The following FAM171A1 variants were observed in gnomAD, a reference collection of about 807,000 sequenced individuals.
The protein encoded by FAM171A1 is family with sequence similarity 171 member A1.
Under a neutral mutation model 74.9 loss-of-function variants are expected in FAM171A1, and 23 were observed. That is an observed-to-expected ratio of 0.31 (90% CI 0.22 to 0.44). The LOEUF (loss-of-function observed/expected upper bound fraction) is 0.44. Ranked by LOEUF, FAM171A1 falls within the 20% of genes least tolerant of loss-of-function variation. FAM171A1 has a pLI of 1.00. For missense variants in FAM171A1, 1,162 were observed against 1,159.2 expected (o/e 1.00, Z -0.03); for synonymous variants, 527 against 505.7 (o/e 1.04, Z -0.57).
At chr10:15,229,430 C>A (rs2131727644) in intron 5 of FAM171A1, among the ~76,000 whole-genome samples, 1 of 151,864 alleles carries the variant, frequency 6.6e-6, no homozygotes, top group Non-Finnish European at 1.5e-5. Context: ...GTCATCACCA[C>A]CATCATCACC....
chr10:15,289,503 G>T (rs1197849082), intron 1 of FAM171A1, among the ~76,000 whole-genome samples: 2 of 152,068 alleles, frequency 1.3e-5, no homozygotes, highest in African/African-American at 4.8e-5. Flanking sequence ...CCTTTCTTTT[G>T]TACCCTCGTG....
rs1414009404 is a variant in FAM171A1 at position 15,284,021 on chromosome 10, G to C, written c.182C>G (p.Ala61Gly). ...CCCCGAGGTGCCAGAGGCTATGGAG[G>C]CCTGGTTGGTGAAGATCTCGATGAG... ...DALIEIFTNQASIASGTSGTD... is the reference protein window; with the variant it reads ...DALIEIFTNQGSIASGTSGTD... The change falls in exon 2 of 8, where the codon GCC (alanine) becomes GGC (glycine). Residue 61 changes from alanine to glycine, a missense_variant. By Grantham distance (60) the Ala-to-Gly change is moderately conservative. Transcript: ENST00000378116. 1.9e-6 allele frequency: 3 copies of C among 1,614,050 alleles called. No individual in the cohort carries two copies. The highest frequency in any genetic ancestry group is 2.5e-6 in the Non-Finnish European group (3 of 1,180,040).
In FAM171A1 at chr10:15,213,902, G is replaced by C. The variant is rs1310713554; in HGVS notation, c.1686C>G (p.Cys562Trp). 9.3e-6 allele frequency: 15 copies of C among 1,614,090 alleles called. No individual in the cohort carries two copies. Among genetic ancestry groups the C allele is most frequent in the Non-Finnish European group, 1.3e-5 (15 of 1,180,054 alleles). The change falls in exon 8 of 8, where the codon TGC becomes TGG. Residue 562 changes from cysteine to tryptophan, a missense_variant. Physicochemically the swap from Cys to Trp is radical, Grantham distance 215 (BLOSUM62 -2). Transcript: ENST00000378116. The surrounding 1 kb of genome is among the most constrained non-coding windows in gnomAD (Gnocchi z 6.8). Reference sequence around the variant, plus strand: ...CATTGACCTGGTCGACAGAACTGCAGCAGATTAACTGGCCGGGCCGTGGGA... The same window carrying C: ...CATTGACCTGGTCGACAGAACTGCACCAGATTAACTGGCCGGGCCGTGGGA... ...TSFPRPGQLI[C>W]CSSVDQVNDS...
chr10:15,325,790 G>A (rs1835548385), intron 1 of FAM171A1, among the ~76,000 whole-genome samples: 1 of 152,114 alleles, frequency 6.6e-6, no homozygotes, highest in Non-Finnish European at 1.5e-5. Context: ...AGTGAATGAC[G>A]GGACATTGAG....
intron 6 of FAM171A1, among the ~76,000 whole-genome samples, chr10:15,218,027 A>C (rs1250510571): frequency 2.6e-5 from 4 of 152,170 alleles, no homozygotes; most frequent in African/African-American, 9.7e-5. Context: ...GTACACATAA[A>C]AGTATTTCCA....
At chr10:15,369,536 T>C (rs997705783) in intron 1 of FAM171A1, among the ~76,000 whole-genome samples, 1 of 152,212 alleles carries the variant, frequency 6.6e-6, no homozygotes, top group Admixed American at 6.5e-5. Context: ...ACTAAAATTA[T>C]ACACAATTCA....
At chr10:15,361,194 G>C (rs1262094542) in intron 1 of FAM171A1, among the ~76,000 whole-genome samples, 1 of 152,102 alleles carries the variant, frequency 6.6e-6, no homozygotes, top group Non-Finnish European at 1.5e-5. Context: ...CAAAGTACAC[G>C]TGCTTTAATT....
At chr10:15,288,476 A>G (rs111568783) in intron 1 of FAM171A1, among the ~76,000 whole-genome samples, 19 of 152,350 alleles carry the variant, frequency 1.2e-4, no homozygotes, top group Non-Finnish European at 1.9e-4. Flanking sequence ...AACATAAATT[A>G]ACTCATGGTG....
At chr10:15,247,261 TA>T (rs958336876) in intron 5 of FAM171A1, among the ~76,000 whole-genome samples, 1 of 152,188 alleles carries the variant, frequency 6.6e-6, no homozygotes, top group African/African-American at 2.4e-5. Flanking sequence ...TATTTTTATG[TA>T]TATATTATTG....
At chr10:15,312,453 C>T (rs560500171) in intron 1 of FAM171A1, among the ~76,000 whole-genome samples, 1 of 151,690 alleles carries the variant, frequency 6.6e-6, no homozygotes, top group East Asian at 2.0e-4. Flanking sequence ...TTAGAGCTTG[C>T]TCTGGTTAAA....
rs138721848 is a variant in FAM171A1 at position 15,329,442 on chromosome 10, G to A, written c.97+41514C>T. On this transcript the variant is annotated intron_variant, in intron 1 of 7. Transcript: ENST00000378116. Reference sequence around the variant, plus strand: ...GGCAGGAGGACTGCTTGAGTGCCCAGGAGTTTGAGACCAGCCTGGGTAACA... The same window carrying A: ...GGCAGGAGGACTGCTTGAGTGCCCAAGAGTTTGAGACCAGCCTGGGTAACA... Among the ~76,000 whole-genome samples, 735 of 152,114 alleles carry A rather than the reference G, an allele frequency of 4.8e-3. 8 individuals carry two copies. The highest frequency in any genetic ancestry group is 5.0e-3 in the Non-Finnish European group (340 of 67,974).
At chr10:15,351,708 G>A (rs2131880550) in intron 1 of FAM171A1, among the ~76,000 whole-genome samples, 1 of 152,192 alleles carries the variant, frequency 6.6e-6, no homozygotes, top group African/African-American at 2.4e-5. Context: ...TGGATGGATG[G>A]ATGGAGAGTG....
In FAM171A1 at chr10:15,275,184, T is replaced by C. The variant is rs907361548; in HGVS notation, c.418+671A>G. 3.3e-5 allele frequency among the ~76,000 whole-genome samples: 5 copies of C among 152,130 alleles called. No individual in the cohort carries two copies. The East Asian group carries it at 9.6e-4, about 29-fold the overall frequency. On this transcript the variant is annotated intron_variant, in intron 3 of 7. Transcript: ENST00000378116. ...AGTTAATGGGTGCAGTACACCAACA[T>C]GGCACATGTATACAGATGTAACAAA... is the stretch of plus-strand genomic sequence containing the variant.
chr10:15,362,744 AACATT>A (rs1425896320), intron 1 of FAM171A1, among the ~76,000 whole-genome samples: 1 of 152,130 alleles, frequency 6.6e-6, no homozygotes, highest in African/African-American at 2.4e-5. Flanking sequence ...ACAAAAACAA[AACATT>A]ACCAACAACC....
chr10:15,317,274 C>G (rs556583283), intron 1 of FAM171A1, among the ~76,000 whole-genome samples: 1 of 152,228 alleles, frequency 6.6e-6, no homozygotes, highest in East Asian at 1.9e-4. Context: ...AACTTGAATG[C>G]CACAGATAAG....
At chr10:15,251,170 C>T (rs1480631170) in intron 4 of FAM171A1, among the ~76,000 whole-genome samples, 3 of 152,272 alleles carry the variant, frequency 2.0e-5, no homozygotes, top group African/African-American at 7.2e-5. Flanking sequence ...TTGAAACATT[C>T]AGAAGTAAGT....
intron 3 of FAM171A1, among the ~76,000 whole-genome samples, chr10:15,256,247 A>T (rs76534723): frequency 1.8e-4 from 28 of 152,272 alleles, no homozygotes; most frequent in African/African-American, 6.5e-4. Flanking sequence ...GGAGTGAAGA[A>T]GCCTGTCTAG....
upstream of FAM171A1, among the ~76,000 whole-genome samples, chr10:15,372,929 C>T (rs1394505483): frequency 6.6e-6 from 1 of 152,074 alleles, no homozygotes; most frequent in East Asian, 1.9e-4. Context: ...CCGACTTCCA[C>T]TGGGGACCTA....
intron 5 of FAM171A1, among the ~76,000 whole-genome samples, chr10:15,236,366 G>A (rs565742874): frequency 3.5e-4 from 53 of 152,020 alleles, no homozygotes; most frequent in African/African-American, 1.3e-3. Flanking sequence ...AAACACATAC[G>A]GAGGGTTTTC....
Sources: allele counts gnomAD v4.1 joint callset (sites outside exome capture counted in the v4.1 genomes callset), GRCh38; gene constraint gnomAD v4.1.1; non-coding constraint Gnocchi (gnomAD v3.1); transcripts MANE v1.5; gene names NCBI Gene and HGNC (gene_info 2026-07-23, HGNC 2026-07-21).